The following SCAMP4 variants were observed in gnomAD, a reference collection of about 807,000 sequenced individuals.
SCAMP4 encodes the protein secretory carrier membrane protein 4.
SCAMP4 carries 19 observed loss-of-function variants against 32.1 expected under a neutral mutation model. The observed-to-expected ratio is 0.59, with a 90% CI of 0.41 to 0.87. The LOEUF is 0.87. SCAMP4 is among the 40% of genes least tolerant of loss of function. SCAMP4 has a pLI of 0.00. For missense variants in SCAMP4, 302 were observed against 309.0 expected (o/e 0.98, Z 0.17); for synonymous variants, 152 against 132.7 (o/e 1.15, Z -1.00).
intron 1 of SCAMP4, among the ~76,000 whole-genome samples, chr19:1,913,906 T>C (rs1027028712): frequency 1.3e-5 from 2 of 151,922 alleles, no homozygotes; most frequent in African/African-American, 2.4e-5. Flanking sequence ...CCCCAGCCCA[T>C]AGGGGAGGGG....
At chr19:1,919,691 G>T (rs1270609729) in intron 5 of SCAMP4, among the ~76,000 whole-genome samples, 2 of 151,312 alleles carry the variant, frequency 1.3e-5, no homozygotes, top group East Asian at 1.9e-4. Flanking sequence ...TAGAGACGGG[G>T]TTTCACCGTG....
At chr19:1,920,679 T>G (rs2013891053) in intron 5 of SCAMP4, 1 of 985,478 alleles carries the variant, frequency 1.0e-6, no homozygotes, top group Non-Finnish European at 1.2e-6. Flanking sequence ...GCACTGCTCG[T>G]CATCCTCCGA....
intron 2 of SCAMP4, chr19:1,915,431 G>C (rs1294500839): frequency 3.9e-6 from 1 of 253,782 alleles, no homozygotes; most frequent in African/African-American, 2.2e-5. Flanking sequence ...GGCCCTCGCA[G>C]GCGCCCAGGG....
chr19:1,920,643 T>C, intron 5 of SCAMP4: 1 of 985,548 alleles, frequency 1.0e-6, no homozygotes, highest in Non-Finnish European at 1.2e-6. Flanking sequence ...TTCCCCCTCC[T>C]GCAGAGGCTG....
rs775634101 is a variant in SCAMP4 at position 1,924,253 on chromosome 19, C to T, written c.659C>T (p.Pro220Leu). The change falls in exon 7 of 7, where the codon CCC (proline) becomes CTC (leucine). Residue 220 changes from proline (P) to leucine (L), a missense_variant. Physicochemically the swap from Pro to Leu is moderately conservative, Grantham distance 98. Transcript: ENST00000316097. ...GNSLPEYPTV[P>L]SYPGSGQWP The stretch of plus-strand genomic sequence containing the variant: ...AGCCTGCCCGAGTACCCCACTGTGC[C>T]CAGCTACCCGGGCAGTGGCCAGTGG... 5 of 1,602,804 alleles carry T rather than the reference C, an allele frequency of 3.1e-6. No homozygotes were observed. Among genetic ancestry groups the T allele is most frequent in the African/African-American group, 2.7e-5 (2 of 74,818 alleles).
chr19:1,924,012 G>A lies in SCAMP4; in HGVS notation c.514-96G>A, dbSNP rs200389235. On this transcript the variant is annotated intron_variant, in intron 6 of 6. Transcript: ENST00000316097. ...AGAGCTCAGACAGTCTGTCTGCCTC[G>A]GCCTCCCGAAGTGCTGGGATGACAG... 1,459 of 780,342 alleles carry A rather than the reference G, an allele frequency of 1.9e-3. 51 individuals carry two copies. The highest frequency in any genetic ancestry group is 3.1e-3 in the African/African-American group (201 of 64,148). The allele number at this position is 780,342 out of a possible 1,614,324, so 48.3% of individuals were successfully genotyped here. A position where few individuals can be genotyped will look rare whatever the true frequency, so the allele number is the denominator to read the frequency against.
chr19:1,906,811 A>C (rs1599227525), intron 1 of SCAMP4: 1 of 151,220 alleles, frequency 6.6e-6, no homozygotes, highest in Non-Finnish European at 1.5e-5. Flanking sequence ...GGATCGTGCC[A>C]CTGCACTCCA....
At chr19:1,919,015 G>A (rs549227486) in intron 5 of SCAMP4, 25 bp downstream of exon 5, 1 of 1,584,276 alleles carries the variant, frequency 6.3e-7, no homozygotes, top group African/African-American at 1.3e-5. Context: ...GATGGGCGTG[G>A]TGGCTGTGAT....
chr19:1,924,580 C>G lies in SCAMP4; in HGVS notation c.*296C>G, dbSNP rs956803805. 4.8e-6 allele frequency: 2 copies of G among 418,498 alleles called. No individual in the cohort carries two copies. The highest frequency in any genetic ancestry group is 5.3e-5 in the South Asian group (2 of 37,582). The allele number at this position is 418,498 out of a possible 1,614,324, so 25.9% of individuals were successfully genotyped here. A position where few individuals can be genotyped will look rare whatever the true frequency, so the allele number is the denominator to read the frequency against. ...CCCGCCGTCCACTGCACGGCTGGTA[C>G]GGCCTTGTCTTCAGGTCTCGAGGCC... On this transcript the variant is annotated 3_prime_UTR_variant, in exon 7 of 7. Transcript: ENST00000316097.
chr19:1,913,043 C>T (rs1279946653), intron 1 of SCAMP4: 2 of 1,603,694 alleles, frequency 1.2e-6, no homozygotes, highest in East Asian at 2.2e-5. Flanking sequence ...CCGACGGCGC[C>T]CTGGGCACCC....
Position 1,914,976 on chromosome 19 carries a change from C to G in SCAMP4, c.-41-3C>G, listed in dbSNP as rs2013681602. ...TCCCTGACTGTGGTTGTCTTCCTTC[C>G]AGGCGGCTGCAGGCTTCAGCCTGCG... is the stretch of plus-strand genomic sequence containing the variant. On this transcript the variant is annotated splice_polypyrimidine_tract_variant and splice_region_variant and intron_variant, in intron 1 of 6. Coordinates refer to ENST00000316097, the MANE Select transcript of SCAMP4 (RefSeq NM_079834.4). 6.2e-7 allele frequency: 1 copy of G among 1,613,578 alleles called. No individual in the cohort carries two copies. Among genetic ancestry groups the G allele is most frequent in the Non-Finnish European group, 8.5e-7 (1 of 1,179,528 alleles).
In SCAMP4 at chr19:1,912,984, G is replaced by T. The variant is rs1404933883; in HGVS notation, c.-41-1995G>T. ...CGAGCCCTGCGCCATGTGCGCCATG[G>T]CCCTGGTGCACGCACGCATCCTGCG... On this transcript the variant is annotated intron_variant, in intron 1 of 6. Transcript: ENST00000316097. The T allele has an allele frequency of 2.5e-6, 4 of 1,609,388 alleles. No homozygotes were observed. The South Asian group carries it at 3.3e-5, about 13-fold the overall frequency.
Position 1,925,048 on chromosome 19 carries a change from T to A in SCAMP4, c.*764T>A, listed in dbSNP as rs1195442860. 1 of 152,192 alleles carries A rather than the reference T, an allele frequency of 6.6e-6. No homozygotes were observed. The highest frequency in any genetic ancestry group is 1.5e-5 in the Non-Finnish European group (1 of 68,126). 9.4% of individuals were successfully genotyped at this position (152,192 alleles called of 1,614,324 possible). On this transcript the variant is annotated 3_prime_UTR_variant, in exon 7 of 7. Transcript: ENST00000316097. The stretch of plus-strand genomic sequence containing the variant: ...ACCCAGCAAACCGGCAGAGAGCCGG[T>A]TTCCCAGCAGCCGGAGCCCTGCAGG...
chr19:1,908,087 G>A lies in SCAMP4; in HGVS notation c.-42+2648G>A, dbSNP rs963947519. 2 of 186,512 alleles carry A rather than the reference G, an allele frequency of 1.1e-5. No individual in the cohort carries two copies. The highest frequency in any genetic ancestry group is 2.4e-5 in the African/African-American group (1 of 41,618). The allele number at this position is 186,512 out of a possible 1,614,324, so 11.6% of individuals were successfully genotyped here. A position where few individuals can be genotyped will look rare whatever the true frequency, so the allele number is the denominator to read the frequency against. ...CGAGGCTGTGTTTGTCTTTTACCCT[G>A]GAGACAGTGGAGTGTTTGTGGCCTA... is the stretch of plus-strand genomic sequence containing the variant. On this transcript the variant is annotated intron_variant, in intron 1 of 6. Transcript: ENST00000316097. This position sits in a 1 kb window ranked among gnomAD's most constrained non-coding sequence, Gnocchi z 4.2.
intron 5 of SCAMP4, chr19:1,920,366 A>G: frequency 2.2e-6 from 2 of 928,582 alleles, no homozygotes; most frequent in Non-Finnish European, 2.6e-6. Context: ...ATCAGAATCC[A>G]GATAAGGTCC....
chr19:1,913,299 C>A (rs777566076), intron 1 of SCAMP4: 6 of 1,229,056 alleles, frequency 4.9e-6, no homozygotes, highest in Non-Finnish European at 6.6e-6. Flanking sequence ...GTGCTGCCTT[C>A]CGTGCGGATC....
chr19:1,915,856 G>A (rs1351460535), intron 2 of SCAMP4, among the ~76,000 whole-genome samples: 1 of 151,752 alleles, frequency 6.6e-6, no homozygotes, highest in Non-Finnish European at 1.5e-5. Flanking sequence ...TGAGGCAGGA[G>A]AATGGTGTGA....
At chr19:1,907,443 C>G (rs896533601) in intron 1 of SCAMP4, among the ~76,000 whole-genome samples, 1 of 151,226 alleles carries the variant, frequency 6.6e-6, no homozygotes, top group Non-Finnish European at 1.5e-5. Context: ...GGGTGGAAGC[C>G]GAGGCTTGGA....
chr19:1,912,599 G>A, intron 1 of SCAMP4: 1 of 1,488,380 alleles, frequency 6.7e-7, no homozygotes, highest in Non-Finnish European at 8.9e-7. Flanking sequence ...TCTCCACGCA[G>A]GAGCGCGCCG....
Sources: gnomAD v4.1 joint callset for allele counts (sites outside exome capture counted in the v4.1 genomes callset) on GRCh38, gnomAD v4.1.1 for gene constraint, Gnocchi (gnomAD v3.1) non-coding constraint, MANE v1.5 for transcripts, NCBI Gene and HGNC (gene_info 2026-07-23, HGNC 2026-07-21) for gene names.